The following GFRAL variants were observed in gnomAD, a reference collection of about 807,000 sequenced individuals.
GFRAL encodes the protein GDNF family receptor alpha-like.
A neutral mutation model predicts 45.4 loss-of-function variants in GFRAL; 36 were observed. That is an observed-to-expected ratio of 0.79 (90% CI 0.61 to 1.05). The LOEUF is 1.05. GFRAL is among the 50% of genes least tolerant of loss of function. GFRAL has a pLI of 0.00. For synonymous variants in GFRAL, 166 were observed against 154.1 expected (o/e 1.08, Z -0.57); for missense variants, 507 against 467.5 (o/e 1.08, Z -0.78).
intron 6 of GFRAL, among the ~76,000 whole-genome samples, chr6:55,372,679 G>GTGT (rs1341844531): frequency 6.6e-6 from 1 of 152,082 alleles, no homozygotes; most frequent in Non-Finnish European, 1.5e-5. Flanking sequence ...ACACACTCAT[G>GTGT]GTCCACTGGC....
rs1768909932 is a variant in GFRAL at position 55,402,243 on chromosome 6, G to A, written c.*390G>A. 1.3e-5 allele frequency: 2 copies of A among 159,620 alleles called. No individual in the cohort carries two copies. The highest frequency in any genetic ancestry group is 6.5e-5 in the Admixed American group (1 of 15,370). 9.9% of individuals were successfully genotyped at this position (159,620 alleles called of 1,614,324 possible). On this transcript the variant is annotated 3_prime_UTR_variant, in exon 9 of 9. Coordinates refer to ENST00000340465, the MANE Select transcript of GFRAL (RefSeq NM_207410.2). Reference sequence around the variant, plus strand: ...GATCCACCCACCTCGGCCTCCCAAAGTGCTGGGATTACAGGCGTGAGCAAC... The same window carrying A: ...GATCCACCCACCTCGGCCTCCCAAAATGCTGGGATTACAGGCGTGAGCAAC...
chr6:55,358,948 A>T lies in GFRAL; in HGVS notation c.762A>T (p.Glu254Asp), dbSNP rs1275336247. 1 of 1,612,938 alleles carries T rather than the reference A, an allele frequency of 6.2e-7. No homozygotes were observed. Among genetic ancestry groups the T allele is most frequent in the East Asian group, 2.2e-5 (1 of 44,856 alleles). Residue 254 changes from glutamate (E) to aspartate (D), a missense_variant, in exon 6 of 9, where the codon GAA (glutamate) becomes GAT (aspartate). Glu to Asp is a conservative substitution (Grantham distance 45). Coordinates refer to ENST00000340465, the MANE Select transcript of GFRAL (RefSeq NM_207410.2). The part of the protein sequence containing the change: ...CWQRVTRKCH[E>D]DENCISTLSK... ...AGCGTGTGACTAGAAAGTGCCATGAAGATGAGAATTGCATTAGCACCTTAA... is the reference window on the plus strand; with the variant it reads ...AGCGTGTGACTAGAAAGTGCCATGATGATGAGAATTGCATTAGCACCTTAA...
Position 55,333,884 on chromosome 6 carries a change from A to C in GFRAL, c.256A>C (p.Thr86Pro). 6.2e-7 allele frequency: 1 copy of C among 1,610,686 alleles called. No individual in the cohort carries two copies. The highest frequency in any genetic ancestry group is 1.3e-5 in the African/African-American group (1 of 74,952). The change falls in exon 3 of 9, where the codon ACT (threonine) becomes CCT (proline). Residue 86 changes from threonine to proline, a missense_variant. Transcript: ENST00000340465. ...TTTCCAATTTAAAGAGTGTCTTTGCACTGATGACTTCTATTGTACTGTGAA... is the reference window on the plus strand; with the variant it reads ...TTTCCAATTTAAAGAGTGTCTTTGCCCTGATGACTTCTATTGTACTGTGAA... The part of the protein sequence containing the change: ...SNFQFKECLC[T>P]DDFYCTVNKL...
At chr6:55,362,091 A>G (rs77827717) in intron 6 of GFRAL, among the ~76,000 whole-genome samples, 2,065 of 152,004 alleles carry the variant, frequency 0.014, 51 homozygotes, top group African/African-American at 0.047. Flanking sequence ...AAATTATTTT[A>G]AGACTTACTA....
chr6:55,395,789 AAAAAAAG>A (rs1018135602), intron 6 of GFRAL, among the ~76,000 whole-genome samples: 6 of 150,988 alleles, frequency 4.0e-5, no homozygotes, highest in African/African-American at 7.3e-5. Context: ...TGGAAAAAAA[AAAAAAAG>A]AAAAAAGAAA....
chr6:55,387,493 A>T (rs1043914995), intron 6 of GFRAL, among the ~76,000 whole-genome samples: 5 of 152,204 alleles, frequency 3.3e-5, no homozygotes, highest in African/African-American at 1.2e-4. Context: ...ATATAATAGC[A>T]TCAGATGTAT....
At chr6:55,356,380 C>G (rs528526209) in intron 5 of GFRAL, among the ~76,000 whole-genome samples, 16 of 152,012 alleles carry the variant, frequency 1.1e-4, no homozygotes, top group Admixed American at 5.3e-4. Context: ...TAGCTTCGAT[C>G]TCATTACTTG....
chr6:55,393,003 G>T (rs931589797), intron 6 of GFRAL, among the ~76,000 whole-genome samples: 3 of 152,166 alleles, frequency 2.0e-5, no homozygotes, highest in African/African-American at 7.2e-5. Context: ...GCATATACGT[G>T]TGTCTAGTAG....
chr6:55,361,431 A>C (rs1266604613), intron 6 of GFRAL, among the ~76,000 whole-genome samples: 1 of 152,062 alleles, frequency 6.6e-6, no homozygotes, highest in African/African-American at 2.4e-5. Context: ...TATAATATCT[A>C]ATACATGATT....
chr6:55,399,102 G>A (rs1344054319), intron 6 of GFRAL, 78 bp from the exon 7 acceptor site: 1 of 707,266 alleles, frequency 1.4e-6, no homozygotes, highest in African/African-American at 1.8e-5. Context: ...TGCCTTAAAA[G>A]ATAAAGCAAA....
chr6:55,335,476 C>T (rs1767879073), intron 3 of GFRAL, among the ~76,000 whole-genome samples: 1 of 151,982 alleles, frequency 6.6e-6, no homozygotes, highest in African/African-American at 2.4e-5. Context: ...ATCATCTTTT[C>T]TTTCATAGAT....
chr6:55,367,618 C>T, intron 6 of GFRAL, among the ~76,000 whole-genome samples: 1 of 151,432 alleles, frequency 6.6e-6, no homozygotes, highest in Non-Finnish European at 1.5e-5. Context: ...CCTTCAGGAA[C>T]TCTTGTAAGG....
chr6:55,395,237 A>T (rs976901369), intron 6 of GFRAL, among the ~76,000 whole-genome samples: 1 of 150,258 alleles, frequency 6.7e-6, no homozygotes, highest in Admixed American at 6.6e-5. Context: ...AAGGGTAGCC[A>T]TAAGTGAGTT....
intron 6 of GFRAL, among the ~76,000 whole-genome samples, chr6:55,387,372 C>T (rs1319043041): frequency 2.0e-5 from 3 of 152,152 alleles, no homozygotes; most frequent in Admixed American, 2.0e-4. Flanking sequence ...AACAAGCAGC[C>T]TTTCCTTTAT....
At chr6:55,358,129 TAGC>T (rs576755066) in intron 5 of GFRAL, among the ~76,000 whole-genome samples, 26 of 151,888 alleles carry the variant, frequency 1.7e-4, no homozygotes, top group Non-Finnish European at 3.4e-4. Context: ...TTTTTTAACA[TAGC>T]AGCATCCATG....
chr6:55,347,603 TA>T (rs1768059958), intron 3 of GFRAL, among the ~76,000 whole-genome samples: 1 of 152,090 alleles, frequency 6.6e-6, no homozygotes, highest in Non-Finnish European at 1.5e-5. Flanking sequence ...AAATGTTTTA[TA>T]AGGATGAATA....
intron 3 of GFRAL, among the ~76,000 whole-genome samples, chr6:55,346,842 C>CCCAA (rs1554187942): frequency 1.0e-5 from 1 of 98,192 alleles, no homozygotes; most frequent in Non-Finnish European, 2.1e-5. Context: ...CCCCCCCCCC[C>CCCAA]AAAAAAAAGA....
Position 55,366,508 on chromosome 6 carries a change from T to C in GFRAL, c.952+7370T>C, listed in dbSNP as rs1019751859. Among the ~76,000 whole-genome samples the C allele has an allele frequency of 4.0e-3, 586 of 145,274 alleles. 10 individuals carry two copies. Among genetic ancestry groups the C allele is most frequent in the Middle Eastern group, 6.9e-3 (2 of 290 alleles). ...CTTTTGAATGTGTTTGCTCTTGCTT[T>C]TCTAGTTCTTTTAATTGCGATGTTA... On this transcript the variant is annotated intron_variant, in intron 6 of 8. Transcript: ENST00000340465.
intron 6 of GFRAL, among the ~76,000 whole-genome samples, chr6:55,367,473 A>T (rs1768380772): frequency 6.9e-6 from 1 of 144,522 alleles, no homozygotes; most frequent in African/African-American, 2.7e-5. Context: ...TGTGAATTTG[A>T]TCCTGTCATT....
Sources: allele counts gnomAD v4.1 joint callset (sites outside exome capture counted in the v4.1 genomes callset), GRCh38; gene constraint gnomAD v4.1.1; transcripts MANE v1.5; gene names NCBI Gene and HGNC (gene_info 2026-07-23, HGNC 2026-07-21).